The following SUGCT variants were observed in gnomAD, a reference collection of about 807,000 sequenced individuals.
SUGCT encodes succinyl-CoA:glutarate CoA-transferase.
In SUGCT, 41 loss-of-function variants were observed where a neutral mutation model predicts 55.0. That is an observed-to-expected ratio of 0.74 (90% CI 0.58 to 0.97). The LOEUF is 0.97. SUGCT is among the 50% of genes least tolerant of loss of function. The pLI is 0.00. For missense variants in SUGCT, 568 were observed against 547.8 expected, an observed-to-expected ratio of 1.04 and a Z score of -0.37; for synonymous variants, 187 against 200.4, an observed-to-expected ratio of 0.93 and a Z score of 0.56.
intron 13 of SUGCT, among the ~76,000 whole-genome samples, chr7:40,774,780 A>T (rs954585323): frequency 2.7e-5 from 4 of 148,506 alleles, no homozygotes; most frequent in Non-Finnish European, 6.0e-5. Context: ...TGGCAAATAA[A>T]AAAAAAAAAA....
At chr7:40,902,123 CTG>C in the SUGCT span, among the ~76,000 whole-genome samples, 3 of 152,168 alleles carry the variant, frequency 2.0e-5, no homozygotes, top group Non-Finnish European at 4.4e-5. Flanking sequence ...AAATAAGAAA[CTG>C]TGTTTTCCTT....
chr7:40,370,794 A>G (rs1009154102), intron 9 of SUGCT, among the ~76,000 whole-genome samples: 1 of 152,150 alleles, frequency 6.6e-6, no homozygotes, highest in South Asian at 2.1e-4. Flanking sequence ...TCTTAGTAAG[A>G]AAAAAGTATT....
At chr7:40,494,136 AC>A (rs1791848497) in intron 11 of SUGCT, among the ~76,000 whole-genome samples, 1 of 152,158 alleles carries the variant, frequency 6.6e-6, no homozygotes, top group Admixed American at 6.5e-5. Flanking sequence ...CTGTTGGCTA[AC>A]CTGCAGCCAT....
intron 12 of SUGCT, among the ~76,000 whole-genome samples, chr7:40,747,792 T>G (rs1299021720): frequency 6.6e-6 from 1 of 152,192 alleles, no homozygotes; most frequent in African/African-American, 2.4e-5. Flanking sequence ...TTGTTTTTTT[T>G]TAAATAAAAA....
At chr7:40,358,322 A>AT (rs1453818266) in intron 9 of SUGCT, among the ~76,000 whole-genome samples, 8 of 152,210 alleles carry the variant, frequency 5.3e-5, no homozygotes, top group Admixed American at 2.6e-4. Flanking sequence ...AGAGCATATT[A>AT]TTTTGCGTAA....
At chr7:40,441,792 T>C (rs961125554) in intron 9 of SUGCT, among the ~76,000 whole-genome samples, 3 of 152,126 alleles carry the variant, frequency 2.0e-5, no homozygotes, top group South Asian at 4.1e-4. Flanking sequence ...CAAGTCAGCC[T>C]CCCAAACAGC....
At chr7:40,504,524 T>C (rs1048906941) in intron 12 of SUGCT, among the ~76,000 whole-genome samples, 1 of 152,078 alleles carries the variant, frequency 6.6e-6, no homozygotes, top group African/African-American at 2.4e-5. Flanking sequence ...AACCTCTGCC[T>C]CTCAGGCTCA....
At chr7:40,467,706 A>G (rs1332022870) in intron 11 of SUGCT, among the ~76,000 whole-genome samples, 1 of 152,120 alleles carries the variant, frequency 6.6e-6, no homozygotes, top group Non-Finnish European at 1.5e-5. Context: ...ATAAGACTCA[A>G]CTTTCACAAT....
chr7:40,339,939 T>C (rs996838225), intron 9 of SUGCT, among the ~76,000 whole-genome samples: 2 of 152,238 alleles, frequency 1.3e-5, no homozygotes, highest in African/African-American at 4.8e-5. Context: ...TGTAATTCTT[T>C]TGAGGAACTG....
intron 12 of SUGCT, among the ~76,000 whole-genome samples, chr7:40,723,310 C>T (rs537868590): frequency 4.7e-4 from 71 of 152,222 alleles, no homozygotes; most frequent in African/African-American, 1.5e-3. Flanking sequence ...GCAGTTGACA[C>T]GGGTTTGAAA....
intron 12 of SUGCT, among the ~76,000 whole-genome samples, chr7:40,727,507 G>A (rs1449365513): frequency 6.6e-6 from 1 of 152,166 alleles, no homozygotes; most frequent in Non-Finnish European, 1.5e-5. Context: ...ACAAATGGAA[G>A]ACTATTCCAC....
the SUGCT span, among the ~76,000 whole-genome samples, chr7:41,002,438 A>G: frequency 6.6e-6 from 1 of 152,194 alleles, no homozygotes; most frequent in African/African-American, 2.4e-5. Flanking sequence ...CTCAGCAATG[A>G]GGCACAGCCA....
chr7:41,019,786 G>C, the SUGCT span, among the ~76,000 whole-genome samples: 1 of 152,146 alleles, frequency 6.6e-6, no homozygotes, highest in Non-Finnish European at 1.5e-5. Flanking sequence ...TTGGAAGGTG[G>C]AAGAAACAGA....
At chr7:40,465,627 T>A (rs1004763872) in intron 11 of SUGCT, among the ~76,000 whole-genome samples, 1 of 151,666 alleles carries the variant, frequency 6.6e-6, no homozygotes, top group Non-Finnish European at 1.5e-5. Flanking sequence ...AAAAAAAAAG[T>A]TTATTAGTTA....
At chr7:40,663,085 TA>T (rs1801414443) in intron 12 of SUGCT, among the ~76,000 whole-genome samples, 1 of 152,188 alleles carries the variant, frequency 6.6e-6, no homozygotes, top group African/African-American at 2.4e-5. Flanking sequence ...ATGACATTAT[TA>T]AAAATGTTAG....
chr7:40,184,139 C>T (rs554699539), intron 3 of SUGCT, among the ~76,000 whole-genome samples: 7 of 152,262 alleles, frequency 4.6e-5, no homozygotes, highest in Non-Finnish European at 8.8e-5. Flanking sequence ...CATGCCATTG[C>T]ACCCCAGCCT....
chr7:40,512,705 G>GA (rs1792998627), intron 12 of SUGCT, among the ~76,000 whole-genome samples: 1 of 152,090 alleles, frequency 6.6e-6, no homozygotes, highest in Non-Finnish European at 1.5e-5. Flanking sequence ...AAAATGTGGT[G>GA]AAGGGGTAGG....
At chr7:40,898,593 G>A in the SUGCT span, among the ~76,000 whole-genome samples, 4 of 151,838 alleles carry the variant, frequency 2.6e-5, no homozygotes, top group Admixed American at 2.6e-4. Context: ...GCGAGGTGGT[G>A]GGCGCTTGTA....
intron 11 of SUGCT, among the ~76,000 whole-genome samples, chr7:40,476,344 A>G (rs182245318): frequency 1.3e-5 from 2 of 152,176 alleles, no homozygotes; most frequent in Non-Finnish European, 2.9e-5. Flanking sequence ...GTGGAGCACC[A>G]CATACTCTCT....
Sources: allele counts gnomAD v4.1 joint callset (sites outside exome capture counted in the v4.1 genomes callset), GRCh38; gene constraint gnomAD v4.1.1; transcripts MANE v1.5; gene names NCBI Gene and HGNC (gene_info 2026-07-23, HGNC 2026-07-21).